CHODL: variants seen among roughly 807,000 people sequenced by gnomAD.
The protein encoded by CHODL is transmembrane protein MT75.
Under a neutral mutation model 34.5 loss-of-function variants are expected in CHODL, and 29 were observed. That is an observed-to-expected ratio of 0.84 (90% confidence interval 0.63 to 1.15). The LOEUF (loss-of-function observed/expected upper bound fraction) is 1.15, where lower values mean the gene tolerates loss of function less well. Ranked by LOEUF, CHODL falls within the 50% of genes most tolerant of loss-of-function variation. CHODL has a pLI of 0.00. For synonymous variants in CHODL, 125 were observed against 116.1 expected, an observed-to-expected ratio of 1.08 and a Z score of -0.49; for missense variants, 332 against 332.5, an observed-to-expected ratio of 1.00 and a Z score of 0.01.
chr21:18,022,673 T>C (rs1190772396), intron 1 of CHODL, among the ~76,000 whole-genome samples: 1 of 152,198 alleles, frequency 6.6e-6, no homozygotes, highest in African/African-American at 2.4e-5. Flanking sequence ...TTAGATTGGT[T>C]GACTTTTCCA....
At chr21:18,174,976 A>G (rs2073288198) in intron 2 of CHODL, among the ~76,000 whole-genome samples, 1 of 152,204 alleles carries the variant, frequency 6.6e-6, no homozygotes, top group South Asian at 2.1e-4. Context: ...TTTTAGCAAG[A>G]CAAACTTCCC....
chr21:17,981,171 G>GT (rs1331404725), intron 1 of CHODL, among the ~76,000 whole-genome samples: 2 of 151,982 alleles, frequency 1.3e-5, no homozygotes, highest in Non-Finnish European at 2.9e-5. Flanking sequence ...GTTATTTTTT[G>GT]TTATTGTTTA....
At chr21:18,002,715 C>T (rs9981486) in intron 1 of CHODL, among the ~76,000 whole-genome samples, 2 of 152,150 alleles carry the variant, frequency 1.3e-5, no homozygotes, top group African/African-American at 4.8e-5. Flanking sequence ...TCCTCACTTC[C>T]ACTCTGAGCT....
chr21:18,147,661 G>T (rs961811767), intron 2 of CHODL, among the ~76,000 whole-genome samples: 3 of 152,202 alleles, frequency 2.0e-5, no homozygotes, highest in African/African-American at 7.2e-5. Context: ...TTTAGGCTTT[G>T]TAGGCATCTG....
chr21:18,192,124 A>G (rs1382159377), intron 2 of CHODL, among the ~76,000 whole-genome samples: 3 of 152,176 alleles, frequency 2.0e-5, no homozygotes, highest in African/African-American at 7.2e-5. Context: ...CCTCCTTCTC[A>G]ACACAAGCTT....
intron 2 of CHODL, among the ~76,000 whole-genome samples, chr21:18,085,964 C>G (rs1018496779): frequency 6.7e-6 from 1 of 148,744 alleles, no homozygotes; most frequent in African/African-American, 2.5e-5. Flanking sequence ...TTTTTATTCT[C>G]TCTTTCCCCT....
chr21:18,248,606 TGTATAATAC>T (rs2074173627), intron 1 of CHODL, among the ~76,000 whole-genome samples: 1 of 133,102 alleles, frequency 7.5e-6, no homozygotes, highest in Non-Finnish European at 1.6e-5. Context: ...ATAAAATATA[TGTATAATAC>T]ATATATAATA....
chr21:18,044,378 G>C lies in CHODL; in HGVS notation c.-45+16407G>C, dbSNP rs140769564. Among the ~76,000 whole-genome samples, 397 of 152,062 alleles carry C rather than the reference G, an allele frequency of 2.6e-3. 3 individuals are homozygous for C. Among genetic ancestry groups the C allele is most frequent in the African/African-American group, 9.3e-3 (387 of 41,528 alleles). On this transcript the variant is annotated intron_variant, in intron 2 of 6. Coordinates refer to the CHODL transcript ENST00000400127. ...ATTAATTTTTCTTCAGTTAGGAAGAGATTAAATAGTGAATAAAAAACACCA... is the reference window on the plus strand; with the variant it reads ...ATTAATTTTTCTTCAGTTAGGAAGACATTAAATAGTGAATAAAAAACACCA...
intron 2 of CHODL, among the ~76,000 whole-genome samples, chr21:18,038,969 G>A (rs1321219315): frequency 6.6e-6 from 1 of 151,558 alleles, no homozygotes; most frequent in African/African-American, 2.4e-5. Context: ...AACAAAATAT[G>A]CTTGGATAAA....
intron 2 of CHODL, among the ~76,000 whole-genome samples, chr21:18,101,162 G>C (rs1315605950): frequency 1.6e-5 from 2 of 123,964 alleles, no homozygotes; most frequent in Non-Finnish European, 3.8e-5. Context: ...CACAAGATCT[G>C]ATGGTTTTTA....
intron 1 of CHODL, among the ~76,000 whole-genome samples, chr21:17,979,444 T>C (rs759760798): frequency 6.6e-6 from 1 of 152,218 alleles, no homozygotes; most frequent in Non-Finnish European, 1.5e-5. Flanking sequence ...GATTTTATTT[T>C]GAATTTTTGG....
chr21:17,926,754 G>T (rs541112700), intron 1 of CHODL, among the ~76,000 whole-genome samples: 38 of 152,198 alleles, frequency 2.5e-4, no homozygotes, highest in African/African-American at 8.7e-4. Context: ...TTTGGGTGGG[G>T]ACACAGCCAA....
At chr21:18,147,638 A>G (rs1779610487) in intron 2 of CHODL, among the ~76,000 whole-genome samples, 1 of 152,208 alleles carries the variant, frequency 6.6e-6, no homozygotes, top group Admixed American at 6.5e-5. Context: ...GCAAAGGGCC[A>G]GGTAGCAAAT....
intron 2 of CHODL, among the ~76,000 whole-genome samples, chr21:18,162,630 C>T (rs548555647): frequency 2.6e-5 from 4 of 152,224 alleles, no homozygotes; most frequent in South Asian, 2.1e-4. Context: ...GCTGAAAGTG[C>T]GGTCTTCAAC....
At chr21:18,004,395 C>G (rs2063940545) in intron 1 of CHODL, among the ~76,000 whole-genome samples, 1 of 151,724 alleles carries the variant, frequency 6.6e-6, no homozygotes, top group African/African-American at 2.4e-5. Flanking sequence ...AAATCTTTCT[C>G]AAGGATTAAT....
At chr21:18,087,212 G>T (rs905416292) in intron 2 of CHODL, among the ~76,000 whole-genome samples, 1 of 152,166 alleles carries the variant, frequency 6.6e-6, no homozygotes. Context: ...AGCAGCCTGG[G>T]TAAGAAGCTG....
intron 1 of CHODL, among the ~76,000 whole-genome samples, chr21:17,941,611 T>C (rs1025014414): frequency 2.0e-5 from 3 of 152,158 alleles, no homozygotes; most frequent in African/African-American, 7.2e-5. Context: ...ATAAGAAACA[T>C]GACATCAAAT....
In CHODL at chr21:18,069,315, G is replaced by T. The variant is rs180909083; in HGVS notation, c.-45+41344G>T. ...AAAAGAGGACCTTTGCATTCAACTT[G>T]GTCATTCCTTTACTCGAAAATCCCA... is the stretch of plus-strand genomic sequence containing the variant. On this transcript the variant is annotated intron_variant, in intron 2 of 6. Transcript: ENST00000400127. Among the ~76,000 whole-genome samples the T allele has an allele frequency of 3.0e-3, 456 of 151,930 alleles. 2 individuals carry two copies. Among genetic ancestry groups the T allele is most frequent in the Non-Finnish European group, 4.6e-3 (314 of 67,948 alleles).
At chr21:18,088,919 CA>C (rs1456735613) in intron 2 of CHODL, among the ~76,000 whole-genome samples, 1 of 152,140 alleles carries the variant, frequency 6.6e-6, no homozygotes, top group Admixed American at 6.5e-5. Flanking sequence ...AGCCTGTTCT[CA>C]GTAAGGTCTC....
Sources: allele counts gnomAD v4.1 joint callset (sites outside exome capture counted in the v4.1 genomes callset), GRCh38; gene constraint gnomAD v4.1.1; transcripts MANE v1.5; gene names NCBI Gene and HGNC (gene_info 2026-07-23, HGNC 2026-07-21).